The following SNIP1 variants were observed in gnomAD, a reference collection of about 807,000 sequenced individuals.
SNIP1 encodes Smad nuclear interacting protein 1, also known as smad nuclear-interacting protein 1.
A neutral mutation model predicts 37.4 loss-of-function variants in SNIP1; 23 were observed. The observed-to-expected ratio is 0.61, with a 90% CI of 0.44 to 0.87. The LOEUF (loss-of-function observed/expected upper bound fraction) is 0.87, where lower values mean the gene tolerates loss of function less well. Ranked by LOEUF, SNIP1 falls within the 40% of genes least tolerant of loss-of-function variation. SNIP1 has a pLI of 0.00. For synonymous variants in SNIP1, 174 were observed against 200.0 expected, an observed-to-expected ratio of 0.87 and a Z score of 1.10; for missense variants, 459 against 540.4, an observed-to-expected ratio of 0.85 and a Z score of 1.49.
chr1:37,538,245 A>C (rs1338230686), intron 3 of SNIP1, among the ~76,000 whole-genome samples: 5 of 152,218 alleles, frequency 3.3e-5, no homozygotes, highest in Non-Finnish European at 7.3e-5. Flanking sequence ...GCGGTGGCTC[A>C]CGCCTGTAAT....
chr1:37,552,266 G>A lies in SNIP1; in HGVS notation c.327+379C>T, dbSNP rs557749788. The stretch of plus-strand genomic sequence containing the variant: ...GGGTTTGGCTACAAAAGGACAACAC[G>A]AGGTATTCCTTGCGGTGAAGGAAAT... On this transcript the variant is annotated intron_variant, in intron 2 of 3. Transcript: ENST00000296215. Among the ~76,000 whole-genome samples the A allele has an allele frequency of 3.9e-5, 6 of 152,324 alleles. No homozygotes were observed. The South Asian group carries it at 1.0e-3, about 26-fold the overall frequency.
intron 2 of SNIP1, among the ~76,000 whole-genome samples, chr1:37,542,924 A>G (rs1280365693): frequency 1.3e-5 from 2 of 152,078 alleles, no homozygotes; most frequent in African/African-American, 4.8e-5. Context: ...GCCAGGCACG[A>G]CAGCATGCAC....
intron 2 of SNIP1, chr1:37,541,074 A>G: frequency 4.3e-6 from 1 of 233,566 alleles, no homozygotes; most frequent in African/African-American, 2.2e-5. Flanking sequence ...AAAGGTAACT[A>G]TGGGCAAACT....
Position 37,539,024 on chromosome 1 carries a change from C to A in SNIP1, c.927-1012G>T, listed in dbSNP as rs111992028. On this transcript the variant is annotated intron_variant, in intron 3 of 3. Coordinates refer to ENST00000296215, the MANE Select transcript of SNIP1 (RefSeq NM_024700.4). ...ACAGGTGGGATCTAGGTTGCGCGCT[C>A]CTTACGAGAATCTAATGCCTGATCT... Among the ~76,000 whole-genome samples, 717 of 152,208 alleles carry A rather than the reference C, an allele frequency of 4.7e-3. 5 individuals carry two copies. The highest frequency in any genetic ancestry group is 0.017 in the African/African-American group (687 of 41,528).
At chr1:37,542,061 G>A (rs543627054) in intron 2 of SNIP1, among the ~76,000 whole-genome samples, 6 of 152,152 alleles carry the variant, frequency 3.9e-5, no homozygotes, top group African/African-American at 1.4e-4. Context: ...TCGTTTAAAG[G>A]AAGCACTTTA....
At chr1:37,547,152 A>G (rs1421038436) in intron 2 of SNIP1, among the ~76,000 whole-genome samples, 1 of 152,224 alleles carries the variant, frequency 6.6e-6, no homozygotes, top group African/African-American at 2.4e-5. Context: ...AAAGAGGGTC[A>G]CTGCAGATGT....
Position 37,540,999 on chromosome 1 carries a change from C to A in SNIP1, c.328-244G>T. 1 of 407,856 alleles carries A rather than the reference C, an allele frequency of 2.5e-6. No homozygotes were observed. The highest frequency in any genetic ancestry group is 4.4e-6 in the Non-Finnish European group (1 of 228,508). 25.3% of individuals were successfully genotyped at this position (407,856 alleles called of 1,614,324 possible). A position where few individuals can be genotyped will look rare whatever the true frequency, so the allele number is the denominator to read the frequency against. ...AATAGCACAAGTCCAGGTCCACAGC[C>A]CTAAAAACAAGAGACTATTTAGTCC... is the stretch of plus-strand genomic sequence containing the variant. On this transcript the variant is annotated intron_variant, in intron 2 of 3. Coordinates refer to ENST00000296215, the MANE Select transcript of SNIP1 (RefSeq NM_024700.4). The surrounding 1 kb of genome is among the most constrained non-coding windows in gnomAD (Gnocchi z 5.6).
In SNIP1 at chr1:37,540,461, G is replaced by A. The variant is rs746942786; in HGVS notation, c.622C>T (p.Arg208Trp). 1.1e-5 allele frequency: 18 copies of A among 1,613,906 alleles called. No homozygotes were observed. The highest frequency in any genetic ancestry group is 6.6e-5 in the South Asian group (6 of 91,080). The change falls in exon 3 of 4, where the codon CGG becomes TGG. Residue 208 changes from arginine to tryptophan, a missense_variant. Coordinates refer to ENST00000296215, the MANE Select transcript of SNIP1 (RefSeq NM_024700.4). The surrounding 1 kb of genome is among the most constrained non-coding windows in gnomAD (Gnocchi z 5.6). The part of the protein sequence containing the change: ...GGSESQELVP[R>W]PGGNNKEKEV... ...TTTTCTTTGTTGTTGCCACCAGGCC[G>A]AGGAACCAACTCCTGAGACTCACTG...
chr1:37,549,381 G>C (rs970568415), intron 2 of SNIP1, among the ~76,000 whole-genome samples: 1 of 152,076 alleles, frequency 6.6e-6, no homozygotes, highest in South Asian at 2.1e-4. Flanking sequence ...GCCCCCAAAC[G>C]CCAGTTTAAC....
In SNIP1 at chr1:37,536,895, C is replaced by T. The variant is rs1643103407; in HGVS notation, c.*853G>A. 1 of 152,152 alleles carries T rather than the reference C, an allele frequency of 6.6e-6. No individual in the cohort carries two copies. Among genetic ancestry groups the T allele is most frequent in the Non-Finnish European group, 1.5e-5 (1 of 68,032 alleles). 9.4% of individuals were successfully genotyped at this position (152,152 alleles called of 1,614,324 possible). ...ATGTTATTAGAATAAAGAAAGAACGCTGTCACATCAGTGACAGTTTATTTC... is the reference window on the plus strand; with the variant it reads ...ATGTTATTAGAATAAAGAAAGAACGTTGTCACATCAGTGACAGTTTATTTC... On this transcript the variant is annotated 3_prime_UTR_variant, in exon 4 of 4. Coordinates refer to ENST00000296215, the MANE Select transcript of SNIP1 (RefSeq NM_024700.4).
rs372672826 is a variant in SNIP1 at position 37,537,794 on chromosome 1, T to C, written c.1145A>G (p.Lys382Arg). The C allele has an allele frequency of 7.4e-6, 12 of 1,614,094 alleles. No individual in the cohort carries two copies. The highest frequency in any genetic ancestry group is 1.0e-5 in the Non-Finnish European group (12 of 1,180,036). ...ESSDTSEIDRKDDEDEEEEEE... is the reference protein window; with the variant it reads ...ESSDTSEIDRRDDEDEEEEEE... ...CTCCTCCTCCTCATCCTCGTCATCT[T>C]TCCTGTCTATTTCAGAAGTGTCCGA... Residue 382 changes from lysine to arginine, a missense_variant, in exon 4 of 4, where the codon AAA (lysine) becomes AGA (arginine). Coordinates refer to ENST00000296215, the MANE Select transcript of SNIP1 (RefSeq NM_024700.4).
At chr1:37,551,074 G>GACACACACACAC (rs55724495) in intron 2 of SNIP1, among the ~76,000 whole-genome samples, 16,252 of 143,672 alleles carry the variant, frequency 0.11, 1,116 homozygotes, top group Non-Finnish European at 0.16. Context: ...CAGCCTGGGT[G>GACACACACACAC]ACACACACAC....
Position 37,543,404 on chromosome 1 carries a change from T to TA in SNIP1, c.328-2650dup, listed in dbSNP as rs1008438413. On this transcript the variant is annotated intron_variant, in intron 2 of 3. Transcript: ENST00000296215. ...ATGTGTTTACTGTAATTTCGTAATTTAAAAAAAAAACTGGAAACAACCTAA... is the reference window on the plus strand; with the variant it reads ...ATGTGTTTACTGTAATTTCGTAATTTAAAAAAAAAAACTGGAAACAACCTAA... 6.4e-4 allele frequency among the ~76,000 whole-genome samples: 96 copies of TA among 149,016 alleles called. 3 individuals carry two copies. The East Asian group carries it at 0.015, about 24-fold the overall frequency.
At position 37,537,753 on chromosome 1, in the gene SNIP1, T is replaced by G; in HGVS notation, c.1186A>C (p.Ser396Arg). The G allele has an allele frequency of 6.2e-7, 1 of 1,612,270 alleles. No individual in the cohort carries two copies. Among genetic ancestry groups the G allele is most frequent in the South Asian group, 1.1e-5 (1 of 90,784 alleles). ...DEEEEEEVSD[S>R] ...TAGTTTGGGTTCTTAGTTTGCTAGC[T>G]GTCAGACACTTCTTCCTCCTCCTCC... Residue 396 changes from serine to arginine, a missense_variant, in exon 4 of 4, where the codon AGC becomes CGC. By Grantham distance (110) the Ser-to-Arg change is moderately radical. Transcript: ENST00000296215.
rs1349071715 is a variant in SNIP1, at chr1:37,554,005, C to T, written c.224+1G>A. The T allele has an allele frequency of 6.4e-7, 1 of 1,559,990 alleles. No homozygotes were observed. Reference sequence around the variant, plus strand: ...CCATCCTGGACTGCTCCCCCACTTACCGGCTAACTCCTCGGGCTCGGTTCC... The same window carrying T: ...CCATCCTGGACTGCTCCCCCACTTATCGGCTAACTCCTCGGGCTCGGTTCC... On this transcript the variant is annotated splice_donor_variant, in intron 1 of 3. Coordinates refer to ENST00000296215, the MANE Select transcript of SNIP1 (RefSeq NM_024700.4). LOFTEE classifies it high-confidence loss of function.
intron 2 of SNIP1, among the ~76,000 whole-genome samples, chr1:37,551,411 G>A (rs1643300766): frequency 6.6e-6 from 1 of 152,154 alleles, no homozygotes; most frequent in Non-Finnish European, 1.5e-5. Flanking sequence ...ATTGCTGGTG[G>A]GAATATAAAA....
intron 2 of SNIP1, among the ~76,000 whole-genome samples, chr1:37,550,773 A>C (rs1404451063): frequency 6.6e-6 from 1 of 152,036 alleles, no homozygotes; most frequent in Non-Finnish European, 1.5e-5. Flanking sequence ...ACCTGAGAAG[A>C]TACATATAGA....
At chr1:37,545,052 T>TG in intron 2 of SNIP1, 1 of 752,934 alleles carries the variant, frequency 1.3e-6, no homozygotes, top group African/African-American at 1.7e-5. Flanking sequence ...CTGAATGCGA[T>TG]GGAGCATGCA....
chr1:37,546,629 G>A (rs1643241366), intron 2 of SNIP1, among the ~76,000 whole-genome samples: 1 of 152,020 alleles, frequency 6.6e-6, no homozygotes, highest in African/African-American at 2.4e-5. Context: ...AGCCAAGATT[G>A]CACCACTGCA....
Sources: allele counts gnomAD v4.1 joint callset (sites outside exome capture counted in the v4.1 genomes callset), GRCh38; gene constraint gnomAD v4.1.1; non-coding constraint Gnocchi (gnomAD v3.1); transcripts MANE v1.5; gene names NCBI Gene and HGNC (gene_info 2026-07-23, HGNC 2026-07-21).